Variants in DAAM2 observed in about 807,000 individuals in gnomAD.
DAAM2 encodes the protein dishevelled associated activator of morphogenesis 2.
DAAM2 carries 39 observed loss-of-function variants against 120.7 expected under a neutral mutation model. That is an observed-to-expected ratio of 0.32 (90% CI 0.25 to 0.42). The LOEUF (loss-of-function observed/expected upper bound fraction) is 0.42. Among genes scored for constraint, DAAM2 ranks in the 10% least tolerant of loss-of-function variants. The pLI, the probability that DAAM2 is intolerant of heterozygous loss-of-function variation, is 1.00. For missense variants in DAAM2, 1,283 were observed against 1,401.7 expected, an observed-to-expected ratio of 0.92 and a Z score of 1.35; for synonymous variants, 488 against 524.9, an observed-to-expected ratio of 0.93 and a Z score of 0.96.
At chr6:39,886,143 T>G (rs1409944329) in intron 15 of DAAM2, 2 of 352,458 alleles carry the variant, frequency 5.7e-6, no homozygotes, top group Non-Finnish European at 1.0e-5. Context: ...AGGGGTTTGG[T>G]CTGCCCTAAC....
intron 1 of DAAM2, among the ~76,000 whole-genome samples, chr6:39,813,858 T>C (rs894579951): frequency 4.6e-5 from 7 of 152,220 alleles, no homozygotes; most frequent in African/African-American, 1.7e-4. Context: ...GTGCAGATGT[T>C]AGACAGTTTT....
At chr6:39,891,875 G>C (rs555923701) in intron 19 of DAAM2, 153 bp downstream of exon 19, 32 of 640,782 alleles carry the variant, frequency 5.0e-5, no homozygotes, top group Non-Finnish European at 7.9e-5. Flanking sequence ...CTAAAATGAT[G>C]ATTATTATAA....
chr6:39,896,710 A>T, intron 19 of DAAM2, 102 bp from the exon 20 acceptor site: 1 of 1,017,866 alleles, frequency 9.8e-7, no homozygotes, highest in Non-Finnish European at 1.4e-6. Flanking sequence ...GGCATTTGAC[A>T]GCCCCTTTTC....
At chr6:39,886,233 C>T in intron 15 of DAAM2, 1 of 395,084 alleles carries the variant, frequency 2.5e-6, no homozygotes, top group Non-Finnish European at 4.5e-6. Flanking sequence ...GAGTGCATGT[C>T]TGCTAGAAGC....
At position 39,796,619 on chromosome 6, in the gene DAAM2, CAAAAAAAA is replaced by C. The variant is rs58885455; in HGVS notation, c.-57+4169_-57+4176del. Among the ~76,000 whole-genome samples, 390 of 109,628 alleles carry C rather than the reference CAAAAAAAA, an allele frequency of 3.6e-3. 5 individuals are homozygous for C. The highest frequency in any genetic ancestry group is 0.012 in the African/African-American group (358 of 28,784). The allele number at this position is 109,628 out of a possible 152,430, so 71.9% of individuals were successfully genotyped here. A position where few individuals can be genotyped will look rare whatever the true frequency, so the allele number is the denominator to read the frequency against. On this transcript the variant is annotated intron_variant, in intron 1 of 24. Coordinates refer to ENST00000274867, the MANE Select transcript of DAAM2 (RefSeq NM_001201427.2). ...TGGGTTTCTTTCTGGGGTCCCCCTC[CAAAAAAAA>C]AAAAAAAAAAAAAACCTGTAAAAAA...
chr6:39,829,213 G>T (rs377061196), intron 1 of DAAM2, among the ~76,000 whole-genome samples: 1 of 152,214 alleles, frequency 6.6e-6, no homozygotes, highest in African/African-American at 2.4e-5. Flanking sequence ...CCTGGGGAGC[G>T]GGCTGTGTGT....
intron 1 of DAAM2, among the ~76,000 whole-genome samples, chr6:39,837,663 C>CAAAAAAAAAAAAAA (rs758751293): frequency 1.6e-3 from 64 of 41,132 alleles, no homozygotes; most frequent in Middle Eastern, 0.02. Flanking sequence ...AACTCCATCT[C>CAAAAAAAAAAAAAA]AAAAAAAAAA....
intron 2 of DAAM2, among the ~76,000 whole-genome samples, chr6:39,860,027 C>T (rs932923854): frequency 2.6e-5 from 4 of 152,098 alleles, no homozygotes; most frequent in Non-Finnish European, 5.9e-5. Flanking sequence ...TTAAAAAAAG[C>T]ACACTATGGT....
At chr6:39,873,732 C>T (rs1764758534) in intron 10 of DAAM2, among the ~76,000 whole-genome samples, 1 of 152,152 alleles carries the variant, frequency 6.6e-6, no homozygotes, top group South Asian at 2.1e-4. Flanking sequence ...GTGGAATGAA[C>T]ATGGTTGTTT....
At position 39,903,786 on chromosome 6, in the gene DAAM2, T is replaced by C. The variant is rs1031189459; in HGVS notation, c.*1749T>C. On this transcript the variant is annotated 3_prime_UTR_variant, in exon 25 of 25. Coordinates refer to ENST00000274867, the MANE Select transcript of DAAM2 (RefSeq NM_001201427.2). ...ACACAGGGTCGGTGAGCCCAGCATG[T>C]GCGTTGGTTTGAGGGGGCGGGCGGT... 1 of 186,072 alleles carries C rather than the reference T, an allele frequency of 5.4e-6. No homozygotes were observed. The highest frequency in any genetic ancestry group is 2.4e-5 in the African/African-American group (1 of 42,108). The allele number at this position is 186,072 out of a possible 1,614,324, so 11.5% of individuals were successfully genotyped here.
chr6:39,839,668 G>C (rs1290747768), intron 1 of DAAM2, among the ~76,000 whole-genome samples: 2 of 152,196 alleles, frequency 1.3e-5, no homozygotes, highest in African/African-American at 4.8e-5. Context: ...ATGATTCCAA[G>C]CTTAGAGCAT....
chr6:39,902,145 T>C lies in DAAM2; in HGVS notation c.*108T>C, dbSNP rs1030089390. The C allele has an allele frequency of 1.0e-5, 10 of 983,474 alleles. No individual in the cohort carries two copies. In the African/African-American group the frequency reaches 1.7e-4, roughly 16 times the overall value. 60.9% of individuals were successfully genotyped at this position (983,474 alleles called of 1,614,324 possible). A position where few individuals can be genotyped will look rare whatever the true frequency, so the allele number is the denominator to read the frequency against. ...CCATTTGGTGCTTGGTTTAGAGCCT[T>C]GGGCTGGGTCCTGGGATGGGGGGCT... is the stretch of plus-strand genomic sequence containing the variant. On this transcript the variant is annotated 3_prime_UTR_variant, in exon 25 of 25. Coordinates refer to ENST00000274867, the MANE Select transcript of DAAM2 (RefSeq NM_001201427.2).
At chr6:39,875,526 T>A (rs1259681228) in intron 11 of DAAM2, 58 bp downstream of exon 11, 12 of 1,571,710 alleles carry the variant, frequency 7.6e-6, no homozygotes, top group Non-Finnish European at 7.8e-6. Flanking sequence ...ACTCTCCCAC[T>A]CTGGTCTCAC....
Position 39,805,908 on chromosome 6 carries a change from C to T in DAAM2, c.-57+13443C>T, listed in dbSNP as rs191591161. On this transcript the variant is annotated intron_variant, in intron 1 of 24. Transcript: ENST00000274867. The stretch of plus-strand genomic sequence containing the variant: ...CTGAACAAGACTGGCTTATTTCTAC[C>T]ATTACGCTGTTCTTAAAGCTCAGAG... Among the ~76,000 whole-genome samples, 409 of 152,276 alleles carry T rather than the reference C, an allele frequency of 2.7e-3. 4 individuals carry two copies. Among genetic ancestry groups the T allele is most frequent in the African/African-American group, 9.6e-3 (397 of 41,556 alleles).
intron 3 of DAAM2, among the ~76,000 whole-genome samples, chr6:39,863,603 G>A (rs975657993): frequency 8.5e-5 from 13 of 152,142 alleles, no homozygotes; most frequent in Non-Finnish European, 2.9e-5. Context: ...AGTGACCTGG[G>A]GCACAGGAAC....
At chr6:39,815,367 T>A (rs1336416258) in intron 1 of DAAM2, among the ~76,000 whole-genome samples, 3 of 152,152 alleles carry the variant, frequency 2.0e-5, no homozygotes, top group African/African-American at 7.2e-5. Flanking sequence ...ACTGCTGAGA[T>A]TTCAATTCTG....
intron 14 of DAAM2, 77 bp downstream of exon 14, chr6:39,879,554 G>T (rs761843710): frequency 1.5e-5 from 23 of 1,580,122 alleles, no homozygotes; most frequent in Non-Finnish European, 2.0e-5. Context: ...CCCGCCCCTT[G>T]TTTACAGATC....
intron 1 of DAAM2, among the ~76,000 whole-genome samples, chr6:39,811,381 G>C (rs1762157345): frequency 6.6e-6 from 1 of 152,134 alleles, no homozygotes; most frequent in African/African-American, 2.4e-5. Flanking sequence ...GTTGTAACTA[G>C]AGCCACCCTG....
intron 1 of DAAM2, among the ~76,000 whole-genome samples, chr6:39,808,274 T>G (rs1227363358): frequency 6.6e-6 from 1 of 152,152 alleles, no homozygotes; most frequent in Non-Finnish European, 1.5e-5. Context: ...GGAGCCTTCT[T>G]TCTCCCATCC....
Sources: gnomAD v4.1 joint callset for allele counts (sites outside exome capture counted in the v4.1 genomes callset) on GRCh38, gnomAD v4.1.1 for gene constraint, MANE v1.5 for transcripts, NCBI Gene and HGNC (gene_info 2026-07-23, HGNC 2026-07-21) for gene names.